IKBKB-DT: variants seen among roughly 807,000 people sequenced by gnomAD.
IKBKB-DT encodes IKBKB antisense RNA.
intron 3 of IKBKB-DT, among the ~76,000 whole-genome samples, chr8:42,248,328 G>A (rs1294848099): frequency 6.6e-6 from 1 of 152,004 alleles, no homozygotes; most frequent in Non-Finnish European, 1.5e-5. Flanking sequence ...CCACAGACCG[G>A]GACCTGTCTT....
intron 3 of IKBKB-DT, among the ~76,000 whole-genome samples, chr8:42,240,898 C>T (rs1329119394): frequency 6.6e-6 from 1 of 151,970 alleles, no homozygotes; most frequent in African/African-American, 2.4e-5. Flanking sequence ...TCGCTTGAGC[C>T]CTGGAAGCAG....
chr8:42,256,122 GAT>G (rs1807197366), intron 3 of IKBKB-DT, among the ~76,000 whole-genome samples: 1 of 151,960 alleles, frequency 6.6e-6, no homozygotes, highest in Non-Finnish European at 1.5e-5. Flanking sequence ...ATTCTACAGG[GAT>G]CAGGTAGAGA....
chr8:42,260,676 A>G (rs1173945959), intron 3 of IKBKB-DT, among the ~76,000 whole-genome samples: 2 of 151,448 alleles, frequency 1.3e-5, no homozygotes, highest in Non-Finnish European at 2.9e-5. Context: ...CTCAAAAAAA[A>G]AAAAAAAAAA....
Position 42,271,198 on chromosome 8 carries a change from C to T in IKBKB-DT, n.56G>A, listed in dbSNP as rs529435828. 9.8e-6 allele frequency: 6 copies of T among 613,176 alleles called. No individual in the cohort carries two copies. The South Asian group carries it at 1.1e-4, about 11-fold the overall frequency. The allele number at this position is 613,176 out of a possible 1,614,324, so 38.0% of individuals were successfully genotyped here. A position where few individuals can be genotyped will look rare whatever the true frequency, so the allele number is the denominator to read the frequency against. On this transcript the variant is annotated non_coding_transcript_exon_variant, in exon 1 of 4. Coordinates refer to ENST00000518213, the Ensembl canonical transcript of IKBKB-DT. Reference sequence around the variant, plus strand: ...GCCACCCCCGCCCCGGGGGAGTCGCCCGGTCGAGGGTCCCGGGACAGGCGC... The same window carrying T: ...GCCACCCCCGCCCCGGGGGAGTCGCTCGGTCGAGGGTCCCGGGACAGGCGC...
chr8:42,257,426 C>T (rs899014599), intron 3 of IKBKB-DT, among the ~76,000 whole-genome samples: 1 of 151,514 alleles, frequency 6.6e-6, no homozygotes, highest in African/African-American at 2.4e-5. Flanking sequence ...CTCTTGAACC[C>T]GGAGGTGGAG....
At chr8:42,245,532 C>T (rs1452608140) in intron 3 of IKBKB-DT, among the ~76,000 whole-genome samples, 1 of 152,222 alleles carries the variant, frequency 6.6e-6, no homozygotes, top group Admixed American at 6.5e-5. Context: ...TGGAGAATCA[C>T]ACAGCCAGGC....
At chr8:42,255,498 T>C (rs1261763469) in intron 3 of IKBKB-DT, 1 of 152,150 alleles carries the variant, frequency 6.6e-6, no homozygotes, top group Non-Finnish European at 1.5e-5. Flanking sequence ...TGCCAGGAAG[T>C]GACCTTTCTT....
At chr8:42,248,063 A>T (rs895567376) in intron 3 of IKBKB-DT, among the ~76,000 whole-genome samples, 2 of 151,658 alleles carry the variant, frequency 1.3e-5, no homozygotes, top group South Asian at 4.2e-4. Flanking sequence ...GCTACACTCC[A>T]GCCTGGGCGA....
chr8:42,256,410 A>C (rs1807201058), intron 3 of IKBKB-DT, among the ~76,000 whole-genome samples: 1 of 150,654 alleles, frequency 6.6e-6, no homozygotes, highest in Non-Finnish European at 1.5e-5. Context: ...AAAAATACAA[A>C]AAAAAAAAAA....
intron 3 of IKBKB-DT, among the ~76,000 whole-genome samples, chr8:42,254,375 T>A (rs1318770225): frequency 6.6e-6 from 1 of 152,234 alleles, no homozygotes; most frequent in Admixed American, 6.5e-5. Flanking sequence ...TATAGGCTCT[T>A]GGCCACTGCC....
exon 1 of IKBKB-DT, chr8:42,271,037 C>T (rs1377828217): frequency 4.1e-6 from 1 of 242,156 alleles, no homozygotes; most frequent in Admixed American, 5.7e-5. Context: ...ATCCCCATAC[C>T]CGGGCCCAGA....
intron 1 of IKBKB-DT, among the ~76,000 whole-genome samples, chr8:42,269,592 G>A (rs1424914155): frequency 3.5e-5 from 5 of 141,184 alleles, no homozygotes; most frequent in African/African-American, 1.1e-4. Context: ...GGGAGTGGAG[G>A]GGAGGGGAGG....
chr8:42,252,689 T>A, intron 3 of IKBKB-DT, among the ~76,000 whole-genome samples: 1 of 152,206 alleles, frequency 6.6e-6, no homozygotes, highest in East Asian at 1.9e-4. Flanking sequence ...TAAATAAATG[T>A]CTGGAATAAT....
intron 3 of IKBKB-DT, among the ~76,000 whole-genome samples, chr8:42,236,649 T>G (rs995440144): frequency 3.3e-5 from 5 of 152,104 alleles, no homozygotes; most frequent in Non-Finnish European, 7.3e-5. Flanking sequence ...CCCAGCTACT[T>G]GGGAGGCTGA....
At chr8:42,241,032 T>A (rs1216641262) in intron 3 of IKBKB-DT, among the ~76,000 whole-genome samples, 1 of 152,174 alleles carries the variant, frequency 6.6e-6, no homozygotes, top group Non-Finnish European at 1.5e-5. Context: ...CTTGTTCCAA[T>A]TCAACCTTCT....
intron 3 of IKBKB-DT, among the ~76,000 whole-genome samples, chr8:42,241,222 A>AT (rs1563274607): frequency 1.5e-4 from 10 of 66,602 alleles, no homozygotes; most frequent in African/African-American, 2.9e-4. Flanking sequence ...ATATGTTGGA[A>AT]TCTTTTTTTT....
At chr8:42,251,881 G>A (rs1455993868) in intron 3 of IKBKB-DT, among the ~76,000 whole-genome samples, 1 of 151,554 alleles carries the variant, frequency 6.6e-6, no homozygotes, top group Non-Finnish European at 1.5e-5. Context: ...GAGATTGTTA[G>A]CAGTGACAAA....
intron 1 of IKBKB-DT, among the ~76,000 whole-genome samples, chr8:42,269,472 A>AGGGGG (rs1807469020): frequency 5.4e-5 from 1 of 18,518 alleles, no homozygotes; most frequent in Non-Finnish European, 1.1e-4. Context: ...AGGGGAGGGG[A>AGGGGG]GGAAAAGGAA....
intron 1 of IKBKB-DT, among the ~76,000 whole-genome samples, chr8:42,269,462 A>AAGGGGGGG (rs1432044897): frequency 4.3e-4 from 9 of 20,884 alleles, no homozygotes; most frequent in African/African-American, 1.4e-3. Flanking sequence ...AGGGGAGGGG[A>AAGGGGGGG]GGGGAGGGGA....
Sources: gnomAD v4.1 joint callset for allele counts (sites outside exome capture counted in the v4.1 genomes callset) on GRCh38, gnomAD v4.1.1 for gene constraint, MANE v1.5 for transcripts, NCBI Gene and HGNC (gene_info 2026-07-23, HGNC 2026-07-21) for gene names.